The following KIAA0040 variants were observed in gnomAD, a reference collection of about 807,000 sequenced individuals.
KIAA0040 encodes uncharacterized protein KIAA0040.
Under a neutral mutation model 7.2 loss-of-function variants are expected in KIAA0040, and 10 were observed. That is an observed-to-expected ratio of 1.38 (90% CI 0.85 to 2.34). The LOEUF (loss-of-function observed/expected upper bound fraction) is 2.34, where lower values mean the gene tolerates loss of function less well. Among genes scored for constraint, KIAA0040 ranks in the 30% most tolerant of loss-of-function variants. The pLI is 0.00. For synonymous variants in KIAA0040, 49 were observed against 40.1 expected (o/e 1.22, Z -0.84); for missense variants, 89 against 108.2 (o/e 0.82, Z 0.79).
chr1:175,190,948 G>C lies in KIAA0040; in HGVS notation c.-384+1692C>G, dbSNP rs866918520. Among the ~76,000 whole-genome samples the C allele has an allele frequency of 5.3e-5, 8 of 152,232 alleles. No homozygotes were observed. In the South Asian group the frequency reaches 1.2e-3, roughly 24 times the overall value. ...TTTGTTCAAAACACACTTTCCCTAG[G>C]AACTCCTAGTCATTTCCAAGACCCT... On this transcript the variant is annotated intron_variant, in intron 1 of 3. Transcript: ENST00000423313.
chr1:175,175,156 GA>G (rs1677136323), intron 2 of KIAA0040, among the ~76,000 whole-genome samples: 1 of 152,168 alleles, frequency 6.6e-6, no homozygotes, highest in African/African-American at 2.4e-5. Context: ...CTCTTGGAGG[GA>G]AAAAATGTTT....
intron 1 of KIAA0040, among the ~76,000 whole-genome samples, chr1:175,190,289 A>G (rs1304889511): frequency 6.6e-6 from 1 of 152,240 alleles, no homozygotes; most frequent in Non-Finnish European, 1.5e-5. Flanking sequence ...GGAAGTCAAC[A>G]TATGATATGA....
At chr1:175,167,045 ATAGGCAGG>A (rs1676792112) in intron 2 of KIAA0040, among the ~76,000 whole-genome samples, 1 of 152,118 alleles carries the variant, frequency 6.6e-6, no homozygotes, top group African/African-American at 2.4e-5. Context: ...AAAGAACCAT[ATAGGCAGG>A]TGTGAAAGTG....
chr1:175,170,843 G>C (rs1676961165), intron 2 of KIAA0040, among the ~76,000 whole-genome samples: 2 of 151,646 alleles, frequency 1.3e-5, no homozygotes, highest in South Asian at 4.2e-4. Context: ...CCCAGGCCCT[G>C]CTCACGCCTC....
chr1:175,177,896 T>C (rs1677269845), intron 1 of KIAA0040, among the ~76,000 whole-genome samples: 1 of 152,210 alleles, frequency 6.6e-6, no homozygotes, highest in Admixed American at 6.5e-5. Context: ...GAATGTAATG[T>C]GTGTCTGGGC....
In KIAA0040 at chr1:175,179,318, A is replaced by G. The variant is rs1281954991; in HGVS notation, c.-383-1634T>C. 2.6e-5 allele frequency among the ~76,000 whole-genome samples: 4 copies of G among 152,242 alleles called. No individual in the cohort carries two copies. The East Asian group carries it at 7.7e-4, about 29-fold the overall frequency. On this transcript the variant is annotated intron_variant, in intron 1 of 3. Coordinates refer to ENST00000423313, the MANE Select transcript of KIAA0040 (RefSeq NM_014656.3). Reference sequence around the variant, plus strand: ...ACAGCCTCACTCTTTCAGTGGCCACATTCTTTTACCTGATCTTGCTTGTGA... The same window carrying G: ...ACAGCCTCACTCTTTCAGTGGCCACGTTCTTTTACCTGATCTTGCTTGTGA...
At position 175,159,881 on chromosome 1, in the gene KIAA0040, G is replaced by A. The variant is rs979737373; in HGVS notation, c.*833C>T. Reference sequence around the variant, plus strand: ...TTGCTGAGTGGTTTGCGGGGGTAATGTTTCACAGAGAGGTCTTGGATCACA... The same window carrying A: ...TTGCTGAGTGGTTTGCGGGGGTAATATTTCACAGAGAGGTCTTGGATCACA... On this transcript the variant is annotated 3_prime_UTR_variant, in exon 4 of 4. Transcript: ENST00000423313. The A allele has an allele frequency of 6.7e-6, 1 of 148,346 alleles. No homozygotes were observed. Among genetic ancestry groups the A allele is most frequent in the African/African-American group, 2.5e-5 (1 of 40,614 alleles). The allele number at this position is 148,346 out of a possible 1,614,324, so 9.2% of individuals were successfully genotyped here. A position where few individuals can be genotyped will look rare whatever the true frequency, so the allele number is the denominator to read the frequency against.
intron 2 of KIAA0040, among the ~76,000 whole-genome samples, chr1:175,167,433 A>G (rs1676808145): frequency 6.6e-6 from 1 of 152,170 alleles, no homozygotes; most frequent in Admixed American, 6.5e-5. Context: ...GCTGTCCCTG[A>G]AAAGGACCTG....
At chr1:175,166,380 G>A (rs1328351999) in intron 3 of KIAA0040, among the ~76,000 whole-genome samples, 182 bp downstream of exon 3, 1 of 152,190 alleles carries the variant, frequency 6.6e-6, no homozygotes, top group Non-Finnish European at 1.5e-5. Context: ...GATTCAGTCG[G>A]GTCTAGGATG....
intron 1 of KIAA0040, among the ~76,000 whole-genome samples, chr1:175,191,159 C>T (rs1677850497): frequency 6.6e-6 from 1 of 152,232 alleles, no homozygotes; most frequent in East Asian, 1.9e-4. Context: ...CAGAAACCAT[C>T]TCATTATCTT....
At chr1:175,185,047 TG>T (rs1677602152) in intron 1 of KIAA0040, among the ~76,000 whole-genome samples, 1 of 152,186 alleles carries the variant, frequency 6.6e-6, no homozygotes, top group Non-Finnish European at 1.5e-5. Flanking sequence ...TGTTACAGGT[TG>T]AATATCCCTA....
chr1:175,163,739 A>AGCT (rs1237728540), intron 3 of KIAA0040, among the ~76,000 whole-genome samples: 1 of 152,196 alleles, frequency 6.6e-6, no homozygotes, highest in Non-Finnish European at 1.5e-5. Context: ...TTCTACTCAC[A>AGCT]GCTTTCCTGA....
At chr1:175,181,883 G>A (rs1677452237) in intron 1 of KIAA0040, among the ~76,000 whole-genome samples, 1 of 152,214 alleles carries the variant, frequency 6.6e-6, no homozygotes, top group Non-Finnish European at 1.5e-5. Flanking sequence ...TCCAGTCAAA[G>A]TGGCCCGTGC....
intron 2 of KIAA0040, among the ~76,000 whole-genome samples, chr1:175,167,860 G>C (rs1343722746): frequency 6.6e-6 from 1 of 152,014 alleles, no homozygotes; most frequent in Admixed American, 6.6e-5. Flanking sequence ...TCCTATGAGG[G>C]CTCTCAGTCT....
intron 1 of KIAA0040, among the ~76,000 whole-genome samples, chr1:175,185,458 G>A (rs577699883): frequency 1.2e-4 from 18 of 152,248 alleles, no homozygotes; most frequent in Admixed American, 9.8e-4. Flanking sequence ...AAATAATCCC[G>A]AATCTCTAGG....
rs1676475620 is a variant in KIAA0040, at chr1:175,160,248, T to A, written c.*466A>T. ...GTCTGAATCTGGCAAGGCTTTCCCA[T>A]GAGACATTTTTGTGACTGTAGATAA... On this transcript the variant is annotated 3_prime_UTR_variant, in exon 4 of 4. Transcript: ENST00000423313. The A allele has an allele frequency of 1.3e-5, 2 of 159,292 alleles. No individual in the cohort carries two copies. The highest frequency in any genetic ancestry group is 4.8e-5 in the African/African-American group (2 of 41,498). The allele number at this position is 159,292 out of a possible 1,614,324, so 9.9% of individuals were successfully genotyped here. A position where few individuals can be genotyped will look rare whatever the true frequency, so the allele number is the denominator to read the frequency against.
intron 2 of KIAA0040, among the ~76,000 whole-genome samples, chr1:175,173,345 C>G (rs1339983847): frequency 6.6e-6 from 1 of 152,190 alleles, no homozygotes; most frequent in Non-Finnish European, 1.5e-5. Flanking sequence ...TCTGTTGAAT[C>G]AAAAAGCCAT....
At position 175,159,590 on chromosome 1, in the gene KIAA0040, A is replaced by G. The variant is rs6664840; in HGVS notation, c.*1124T>C. ...GTTACCTCTGCATCCCACCTGTGCC[A>G]TACCGTGCACACATCACAACCTTAT... On this transcript the variant is annotated 3_prime_UTR_variant, in exon 4 of 4. Transcript: ENST00000423313. 60,339 of 152,214 alleles carry G rather than the reference A, an allele frequency of 0.4. 12,407 individuals carry two copies. The highest frequency in any genetic ancestry group is 0.45 in the Non-Finnish European group (30,906 of 67,984). 9.4% of individuals were successfully genotyped at this position (152,214 alleles called of 1,614,324 possible).
At chr1:175,181,989 G>A (rs1054307007) in intron 1 of KIAA0040, among the ~76,000 whole-genome samples, 1 of 152,116 alleles carries the variant, frequency 6.6e-6, no homozygotes, top group African/African-American at 2.4e-5. Flanking sequence ...GGGCCTTCTT[G>A]CAGCCACTGC....
Sources: allele counts gnomAD v4.1 joint callset (sites outside exome capture counted in the v4.1 genomes callset), GRCh38; gene constraint gnomAD v4.1.1; transcripts MANE v1.5; gene names NCBI Gene and HGNC (gene_info 2026-07-23, HGNC 2026-07-21).